EXOC6B: variants seen among roughly 807,000 people sequenced by gnomAD.
The protein encoded by EXOC6B is exocyst complex component 6B.
EXOC6B carries 54 observed loss-of-function variants against 113.5 expected under a neutral mutation model. The observed-to-expected ratio is 0.48, with a 90% CI of 0.38 to 0.60. EXOC6B has a LOEUF of 0.60. Ranked by LOEUF, EXOC6B falls within the 20% of genes least tolerant of loss-of-function variation. The pLI is 0.00. For missense variants in EXOC6B, 797 were observed against 977.5 expected, an observed-to-expected ratio of 0.82 and a Z score of 2.46; for synonymous variants, 357 against 339.0, an observed-to-expected ratio of 1.05 and a Z score of -0.58.
At chr2:72,606,868 C>G (rs1356996884) in intron 6 of EXOC6B, among the ~76,000 whole-genome samples, 1 of 152,076 alleles carries the variant, frequency 6.6e-6, no homozygotes, top group Non-Finnish European at 1.5e-5. Context: ...ACCTCGGCCT[C>G]CCAAAGTGCT....
chr2:72,569,044 T>C (rs897938271), intron 7 of EXOC6B, among the ~76,000 whole-genome samples: 1 of 151,926 alleles, frequency 6.6e-6, no homozygotes, highest in African/African-American at 2.4e-5. Flanking sequence ...GATCAAAGAC[T>C]GGGAATAAGA....
chr2:72,495,594 A>G, intron 14 of EXOC6B, 55 bp from the exon 15 acceptor site: 1 of 937,378 alleles, frequency 1.1e-6, no homozygotes, highest in Non-Finnish European at 1.7e-6. Flanking sequence ...GATTGAAGAT[A>G]TTTATAAATT....
intron 1 of EXOC6B, among the ~76,000 whole-genome samples, chr2:72,802,063 G>C (rs1685308536): frequency 6.6e-6 from 1 of 152,156 alleles, no homozygotes; most frequent in South Asian, 2.1e-4. Flanking sequence ...TGTGGCTCAT[G>C]CCTGTACTCC....
At chr2:72,625,011 G>A (rs1671963094) in intron 6 of EXOC6B, among the ~76,000 whole-genome samples, 1 of 137,724 alleles carries the variant, frequency 7.3e-6, no homozygotes. Context: ...TAACAGCCTA[G>A]CAACCTGTCT....
chr2:72,266,978 T>G (rs1366338563), intron 20 of EXOC6B, among the ~76,000 whole-genome samples: 1 of 152,176 alleles, frequency 6.6e-6, no homozygotes, highest in Admixed American at 6.5e-5. Context: ...TCACGTCCCT[T>G]TTAAGTTGGA....
intron 1 of EXOC6B, among the ~76,000 whole-genome samples, chr2:72,747,184 T>C (rs1317797555): frequency 6.6e-6 from 1 of 152,072 alleles, no homozygotes; most frequent in Non-Finnish European, 1.5e-5. Context: ...ATTTCTGTCC[T>C]ACCACAAAGG....
At chr2:72,248,887 T>C (rs1318402979) in intron 20 of EXOC6B, among the ~76,000 whole-genome samples, 1 of 152,154 alleles carries the variant, frequency 6.6e-6, no homozygotes, top group Non-Finnish European at 1.5e-5. Flanking sequence ...CAAAGAACAT[T>C]AAATGTAGTG....
intron 20 of EXOC6B, among the ~76,000 whole-genome samples, chr2:72,332,240 T>G (rs2104869689): frequency 6.6e-6 from 1 of 152,206 alleles, no homozygotes; most frequent in East Asian, 1.9e-4. Context: ...ATTAATTCAG[T>G]TAAGCTAGAT....
intron 18 of EXOC6B, among the ~76,000 whole-genome samples, chr2:72,429,281 G>T (rs781241856): frequency 3.3e-5 from 5 of 152,014 alleles, no homozygotes; most frequent in African/African-American, 4.8e-5. Flanking sequence ...AAATAGAAAA[G>T]AAAAATAAAA....
At chr2:72,772,349 T>C (rs1683452831) in intron 1 of EXOC6B, among the ~76,000 whole-genome samples, 1 of 152,014 alleles carries the variant, frequency 6.6e-6, no homozygotes, top group Non-Finnish European at 1.5e-5. Context: ...CAAGCTCCAG[T>C]GCCAGGATGG....
At chr2:72,473,892 C>T (rs1378095251) in intron 17 of EXOC6B, among the ~76,000 whole-genome samples, 3 of 152,092 alleles carry the variant, frequency 2.0e-5, no homozygotes, top group African/African-American at 4.8e-5. Context: ...GCAAATGTCA[C>T]TCACTATTTC....
intron 11 of EXOC6B, among the ~76,000 whole-genome samples, chr2:72,501,530 T>G (rs947730583): frequency 6.6e-6 from 1 of 152,120 alleles, no homozygotes; most frequent in African/African-American, 2.4e-5. Flanking sequence ...CACAAATGGA[T>G]TGATAAACCT....
chr2:72,731,272 T>A, intron 3 of EXOC6B, 27 bp from the exon 4 acceptor site: 2 of 1,536,430 alleles, frequency 1.3e-6, no homozygotes, highest in Non-Finnish European at 1.8e-6. Context: ...AAGACTGAAT[T>A]ATGCCTATGG....
chr2:72,200,021 C>T (rs1679394794), intron 20 of EXOC6B, among the ~76,000 whole-genome samples: 1 of 152,114 alleles, frequency 6.6e-6, no homozygotes, highest in South Asian at 2.1e-4. Flanking sequence ...CTCAGCCTCC[C>T]GAGTAGCTGG....
intron 20 of EXOC6B, among the ~76,000 whole-genome samples, chr2:72,327,198 C>T (rs1339915424): frequency 2.0e-5 from 3 of 152,012 alleles, no homozygotes; most frequent in Non-Finnish European, 4.4e-5. Context: ...ACCTTTCTAC[C>T]ACATACAATT....
chr2:72,543,401 T>G (rs1702723484), intron 8 of EXOC6B, among the ~76,000 whole-genome samples: 1 of 149,140 alleles, frequency 6.7e-6, no homozygotes, highest in African/African-American at 2.6e-5. Flanking sequence ...ATCAGATTAT[T>G]GTGGTGTCTA....
intron 8 of EXOC6B, among the ~76,000 whole-genome samples, chr2:72,533,793 T>G (rs1267426580): frequency 2.0e-5 from 3 of 152,188 alleles, no homozygotes; most frequent in African/African-American, 7.2e-5. Flanking sequence ...AATGTATTTA[T>G]TTTTTAATAG....
chr2:72,399,630 A>G lies in EXOC6B; in HGVS notation c.1981-19760T>C, dbSNP rs149653128. On this transcript the variant is annotated intron_variant, in intron 18 of 21. Transcript: ENST00000272427. ...AAATCAATGTACAAAAATCAGTAGC[A>G]TTTCCATACACCAATAATAATCAAG... Among the ~76,000 whole-genome samples the G allele has an allele frequency of 1.2e-4, 18 of 152,314 alleles. 1 individual carries two copies. The East Asian group carries it at 3.5e-3, about 29-fold the overall frequency.
At chr2:72,193,473 G>A (rs1678979363) in intron 20 of EXOC6B, among the ~76,000 whole-genome samples, 1 of 152,114 alleles carries the variant, frequency 6.6e-6, no homozygotes, top group Non-Finnish European at 1.5e-5. Context: ...GCAAAGCAGG[G>A]CTTATTTCGA....
Sources: gnomAD v4.1 joint callset for allele counts (sites outside exome capture counted in the v4.1 genomes callset) on GRCh38, gnomAD v4.1.1 for gene constraint, MANE v1.5 for transcripts, NCBI Gene and HGNC (gene_info 2026-07-23, HGNC 2026-07-21) for gene names.